The following CNTN5 variants were observed in gnomAD, a reference collection of about 807,000 sequenced individuals.
CNTN5 encodes contactin-5.
CNTN5 carries 77 observed loss-of-function variants against 129.1 expected under a neutral mutation model. The observed-to-expected ratio is 0.60, with a 90% CI of 0.50 to 0.72. CNTN5 has a LOEUF of 0.72. CNTN5 is among the 30% of genes least tolerant of loss of function. The pLI, the probability that CNTN5 is intolerant of heterozygous loss-of-function variation, is 0.00. For synonymous variants in CNTN5, 509 were observed against 465.6 expected (o/e 1.09, Z -1.20); for missense variants, 1,478 against 1,328.8 (o/e 1.11, Z -1.75).
chr11:100,152,554 T>C lies in CNTN5; in HGVS notation c.1581-38572T>C, dbSNP rs372999924. ...ATGAAGCTGTGATGAAGGTCCCTAG[T>C]TGATGAACAATATATATTCATTGAT... On this transcript the variant is annotated intron_variant, in intron 13 of 24. Transcript: ENST00000524871. 6.6e-5 allele frequency among the ~76,000 whole-genome samples: 10 copies of C among 152,258 alleles called. No individual in the cohort carries two copies. In the East Asian group the frequency reaches 1.2e-3, roughly 18 times the overall value.
At chr11:99,382,389 G>T (rs890855716) in intron 2 of CNTN5, among the ~76,000 whole-genome samples, 1 of 152,086 alleles carries the variant, frequency 6.6e-6, no homozygotes. Context: ...AGATGCAGAC[G>T]CAGAGAGAAA....
intron 1 of CNTN5, among the ~76,000 whole-genome samples, chr11:99,137,851 T>C (rs1859311038): frequency 6.6e-6 from 1 of 152,044 alleles, no homozygotes; most frequent in African/African-American, 2.4e-5. Context: ...AAAGTAAGGG[T>C]ATTTCTCCCC....
At chr11:99,041,528 C>T (rs1406988596) in intron 1 of CNTN5, among the ~76,000 whole-genome samples, 1 of 152,182 alleles carries the variant, frequency 6.6e-6, no homozygotes, top group Non-Finnish European at 1.5e-5. Context: ...TAGTTACTTG[C>T]AAGTAGACAC....
intron 4 of CNTN5, among the ~76,000 whole-genome samples, chr11:99,828,763 A>G (rs1032756276): frequency 1.3e-5 from 2 of 152,198 alleles, no homozygotes; most frequent in African/African-American, 4.8e-5. Flanking sequence ...TTACATTATT[A>G]AAATCATGTA....
At chr11:100,039,124 G>T (rs1313148826) in intron 9 of CNTN5, among the ~76,000 whole-genome samples, 1 of 152,146 alleles carries the variant, frequency 6.6e-6, no homozygotes, top group Admixed American at 6.5e-5. Flanking sequence ...TCCTTTCCAT[G>T]TTTAGTGCTT....
At chr11:100,299,461 C>G in intron 20 of CNTN5, 65 bp downstream of exon 20, 1 of 937,260 alleles carries the variant, frequency 1.1e-6, no homozygotes, top group Non-Finnish European at 1.5e-6. Flanking sequence ...TAATCAGACA[C>G]CTTTGTACAC....
rs377115422 is a variant in CNTN5, at chr11:100,052,507, C to T, written c.981-8705C>T. 6.1e-4 allele frequency among the ~76,000 whole-genome samples: 92 copies of T among 151,712 alleles called. 1 individual carries two copies. The highest frequency in any genetic ancestry group is 2.9e-3 in the South Asian group (14 of 4,828). ...ATTTAGGGATAAACTAAACAAAATA[C>T]GCAGAAGACCTGTACACTGAGAATT... On this transcript the variant is annotated intron_variant, in intron 9 of 24. Transcript: ENST00000524871.
chr11:99,533,985 A>T (rs574889820), intron 2 of CNTN5, among the ~76,000 whole-genome samples: 49 of 152,248 alleles, frequency 3.2e-4, no homozygotes, highest in African/African-American at 1.2e-3. Context: ...ATCTCTATTA[A>T]TTTTTACCTT....
chr11:99,380,056 C>A (rs2136155705), intron 2 of CNTN5, among the ~76,000 whole-genome samples: 1 of 150,224 alleles, frequency 6.7e-6, no homozygotes, highest in African/African-American at 2.5e-5. Context: ...ATCCCGTATA[C>A]AATGGTGGTC....
At chr11:99,906,930 C>A (rs1031732820) in intron 6 of CNTN5, among the ~76,000 whole-genome samples, 1 of 152,058 alleles carries the variant, frequency 6.6e-6, no homozygotes, top group Non-Finnish European at 1.5e-5. Flanking sequence ...TTATAGTATT[C>A]TCTGATGGTA....
At chr11:99,620,725 T>G (rs72997286) in intron 3 of CNTN5, among the ~76,000 whole-genome samples, 68,259 of 151,008 alleles carry the variant, frequency 0.45, 15,829 homozygotes, top group Admixed American at 0.59. Flanking sequence ...CCCCCGGCCA[T>G]CAGCAGCACA....
chr11:99,638,445 C>T (rs533807765), intron 3 of CNTN5, among the ~76,000 whole-genome samples: 3 of 152,232 alleles, frequency 2.0e-5, no homozygotes, highest in South Asian at 2.1e-4. Context: ...TCTCAACAGT[C>T]CCCCAAACTC....
At chr11:99,291,332 G>A (rs1864162341) in intron 1 of CNTN5, among the ~76,000 whole-genome samples, 1 of 151,680 alleles carries the variant, frequency 6.6e-6, no homozygotes, top group African/African-American at 2.4e-5. Flanking sequence ...TGCAAAAATA[G>A]GGTCACTCAT....
intron 3 of CNTN5, among the ~76,000 whole-genome samples, chr11:99,788,577 A>G (rs866148529): frequency 2.6e-5 from 4 of 152,018 alleles, no homozygotes; most frequent in East Asian, 1.9e-4. Flanking sequence ...CTGACCCCAT[A>G]CAAGTCACAG....
chr11:99,659,167 G>C (rs1024640831), intron 3 of CNTN5, among the ~76,000 whole-genome samples: 4 of 152,168 alleles, frequency 2.6e-5, no homozygotes, highest in Admixed American at 1.3e-4. Context: ...TACCAAGCTG[G>C]CAGCAGCCAT....
intron 3 of CNTN5, among the ~76,000 whole-genome samples, chr11:99,740,315 A>G (rs1375282459): frequency 1.3e-5 from 2 of 152,170 alleles, no homozygotes; most frequent in Non-Finnish European, 2.9e-5. Context: ...TTCAAACCCC[A>G]GAGTAGTTGC....
chr11:99,361,074 A>G (rs1939077812), intron 2 of CNTN5, among the ~76,000 whole-genome samples: 1 of 152,178 alleles, frequency 6.6e-6, no homozygotes, highest in African/African-American at 2.4e-5. Flanking sequence ...AAAAAGGATC[A>G]CCTTTCCTCC....
intron 4 of CNTN5, among the ~76,000 whole-genome samples, chr11:99,836,128 T>G (rs1187128801): frequency 6.6e-6 from 1 of 151,792 alleles, no homozygotes; most frequent in Non-Finnish European, 1.5e-5. Context: ...CCCCTTGTTT[T>G]TTTTTTTTTT....
At chr11:99,924,763 T>A (rs7115696) in intron 7 of CNTN5, among the ~76,000 whole-genome samples, 1 of 151,832 alleles carries the variant, frequency 6.6e-6, no homozygotes, top group Admixed American at 6.6e-5. Context: ...AAATTTAATA[T>A]TTTATATGCT....
Sources: gnomAD v4.1 joint callset for allele counts (sites outside exome capture counted in the v4.1 genomes callset) on GRCh38, gnomAD v4.1.1 for gene constraint, MANE v1.5 for transcripts, NCBI Gene and HGNC (gene_info 2026-07-23, HGNC 2026-07-21) for gene names.